The following HPS5 variants were observed in gnomAD, a reference collection of about 807,000 sequenced individuals.
The protein encoded by HPS5 is HPS5 biogenesis of lysosomal organelles complex 2 subunit 2.
Under a neutral mutation model 128.0 loss-of-function variants are expected in HPS5, and 83 were observed. That is an observed-to-expected ratio of 0.65 (90% CI 0.54 to 0.78). The LOEUF is 0.78. HPS5 is among the 30% of genes least tolerant of loss of function. The probability of loss-of-function intolerance (pLI) is 0.00; values close to 1 mark genes in which losing one functional copy is unlikely to be tolerated. For missense variants in HPS5, 1,281 were observed against 1,326.2 expected (o/e 0.97, Z 0.53); for synonymous variants, 475 against 470.2 (o/e 1.01, Z -0.13).
At chr11:18,293,928 A>AC (rs11444360) in intron 14 of HPS5, among the ~76,000 whole-genome samples, 21,147 of 152,138 alleles carry the variant, frequency 0.14, 1,567 homozygotes, top group African/African-American at 0.19. Context: ...AAAAATCTGT[A>AC]TTTTTTCTAT....
rs1158890251 is a variant in HPS5 at position 18,294,995 on chromosome 11, T to C, written c.1784+25A>G. 3.7e-6 allele frequency: 6 copies of C among 1,613,022 alleles called. No homozygotes were observed. The East Asian group carries it at 6.7e-5, about 18-fold the overall frequency. ...TGACAGCTGGATTCCCTAGAATGTA[T>C]AGAGATTTATGTGTAAGGGCTTACT... On this transcript the variant is annotated intron_variant, in intron 14 of 22. Coordinates refer to ENST00000349215, the MANE Select transcript of HPS5 (RefSeq NM_181507.2).
chr11:18,288,876 G>C (rs1415216602), intron 16 of HPS5, among the ~76,000 whole-genome samples: 1 of 151,804 alleles, frequency 6.6e-6, no homozygotes, highest in Non-Finnish European at 1.5e-5. Flanking sequence ...CTGGGTGTGT[G>C]CATGTGTGTG....
intron 8 of HPS5, among the ~76,000 whole-genome samples, chr11:18,301,950 A>G (rs1001742024): frequency 1.3e-5 from 2 of 152,020 alleles, no homozygotes; most frequent in Admixed American, 1.3e-4. Flanking sequence ...TTCCTCCTCC[A>G]CTTATCTTCA....
At chr11:18,306,105 A>ACAATCC (rs1182232355) in intron 7 of HPS5, 30 bp downstream of exon 7, 1 of 1,461,466 alleles carries the variant, frequency 6.8e-7, no homozygotes, top group Non-Finnish European at 9.6e-7. Flanking sequence ...AGCTCTTCAA[A>ACAATCC]CAATCCCAAC....
chr11:18,299,664 G>A (rs1179987279), intron 9 of HPS5, among the ~76,000 whole-genome samples: 1 of 152,202 alleles, frequency 6.6e-6, no homozygotes, highest in African/African-American at 2.4e-5. Context: ...ACATATGATG[G>A]CTGTTGCTCC....
Position 18,291,678 on chromosome 11 carries a change from T to G in HPS5, c.2204A>C (p.Asn735Thr). 6.2e-7 allele frequency: 1 copy of G among 1,614,254 alleles called. No homozygotes were observed. The highest frequency in any genetic ancestry group is 8.5e-7 in the Non-Finnish European group (1 of 1,180,046). Reference protein sequence around the residue: ...SPCAIASGLRNDLAELTTLCL... With the variant: ...SPCAIASGLRTDLAELTTLCL... ...TAATGTTGTCAATTCAGCCAGGTCG[T>G]TCCGAAGACCACTTGCAATGGCGCA... Residue 735 changes from asparagine to threonine, a missense_variant, in exon 16 of 23, where the codon AAC becomes ACC. Coordinates refer to ENST00000349215, the MANE Select transcript of HPS5 (RefSeq NM_181507.2).
At chr11:18,308,633 G>A (rs1862625933) in intron 6 of HPS5, among the ~76,000 whole-genome samples, 1 of 151,998 alleles carries the variant, frequency 6.6e-6, no homozygotes, top group Non-Finnish European at 1.5e-5. Flanking sequence ...TGGGTAACAT[G>A]ACAAAACCCA....
chr11:18,298,720 G>C, intron 10 of HPS5, 72 bp downstream of exon 10: 1 of 1,490,236 alleles, frequency 6.7e-7, no homozygotes, highest in South Asian at 1.1e-5. Context: ...AAGCAACTTT[G>C]TAACACAATC....
intron 1 of HPS5, among the ~76,000 whole-genome samples, chr11:18,319,125 C>T (rs1418397070): frequency 6.6e-6 from 1 of 151,896 alleles, no homozygotes; most frequent in Non-Finnish European, 1.5e-5. Flanking sequence ...CTAAGAAAAT[C>T]TTCCCTCATT....
At chr11:18,290,448 A>T (rs1020458544) in intron 16 of HPS5, among the ~76,000 whole-genome samples, 3 of 152,234 alleles carry the variant, frequency 2.0e-5, no homozygotes, top group African/African-American at 7.2e-5. Flanking sequence ...GACAATGCTG[A>T]AAAGTGTTTA....
At chr11:18,298,501 AAT>A (rs998138453) in intron 10 of HPS5, among the ~76,000 whole-genome samples, 2 of 152,252 alleles carry the variant, frequency 1.3e-5, no homozygotes, top group African/African-American at 4.8e-5. Context: ...TCAAAATAAT[AAT>A]AATAATAATT....
At chr11:18,286,264 G>A (rs1012271410) in intron 19 of HPS5, among the ~76,000 whole-genome samples, 1 of 152,182 alleles carries the variant, frequency 6.6e-6, no homozygotes, top group Non-Finnish European at 1.5e-5. Context: ...AAGACTCCTA[G>A]CCAGGCACAG....
Position 18,303,511 on chromosome 11 carries a change from T to C in HPS5, c.896+1911A>G, listed in dbSNP as rs78854022. Among the ~76,000 whole-genome samples the C allele has an allele frequency of 4.9e-3, 749 of 152,306 alleles. 6 individuals are homozygous for C. Among genetic ancestry groups the C allele is most frequent in the African/African-American group, 0.017 (717 of 41,558 alleles). On this transcript the variant is annotated intron_variant, in intron 8 of 22. Transcript: ENST00000349215. ...TTTTTGTCTACCATGGTAGGGACTA[T>C]AACAGCAGCTTTAAATAGCTACAGC...
chr11:18,308,647 T>C (rs1003735150), intron 6 of HPS5, among the ~76,000 whole-genome samples: 3 of 151,918 alleles, frequency 2.0e-5, no homozygotes, highest in Non-Finnish European at 4.4e-5. Context: ...AAACCCAGTC[T>C]CTAAACAAAA....
At position 18,279,833 on chromosome 11, in the gene HPS5, G is replaced by C; in HGVS notation, c.*49C>G. ...ATGCGTTCAGAAGGTTCAGGAGCATGATTTAGTTTTTCTCAAAATGTCATG... is the reference window on the plus strand; with the variant it reads ...ATGCGTTCAGAAGGTTCAGGAGCATCATTTAGTTTTTCTCAAAATGTCATG... On this transcript the variant is annotated 3_prime_UTR_variant, in exon 23 of 23. Coordinates refer to ENST00000349215, the MANE Select transcript of HPS5 (RefSeq NM_181507.2). 1.3e-6 allele frequency: 2 copies of C among 1,546,648 alleles called. No homozygotes were observed.
intron 5 of HPS5, 97 bp downstream of exon 5, chr11:18,310,644 G>A: frequency 9.6e-7 from 1 of 1,043,678 alleles, no homozygotes; most frequent in Non-Finnish European, 1.4e-6. Context: ...AGTCTCCCAA[G>A]AAATACAGTA....
intron 9 of HPS5, 106 bp downstream of exon 9, chr11:18,300,722 T>C: frequency 4.0e-6 from 2 of 505,250 alleles, no homozygotes; most frequent in Non-Finnish European, 3.6e-6. Flanking sequence ...AAAAAAAAAG[T>C]CATCCCATCC....
At chr11:18,299,089 T>G (rs1324783843) in intron 9 of HPS5, 119 bp from the exon 10 acceptor site, 1 of 879,426 alleles carries the variant, frequency 1.1e-6, no homozygotes, top group African/African-American at 1.7e-5. Context: ...TTGACTGAAT[T>G]TCATCTCTAT....
chr11:18,296,644 G>A (rs1861103297), intron 12 of HPS5, 154 bp downstream of exon 12: 1 of 798,704 alleles, frequency 1.3e-6, no homozygotes, highest in Non-Finnish European at 2.2e-6. Context: ...TTCTAGTAGG[G>A]GGCAGATCTG....
Sources: gnomAD v4.1 joint callset for allele counts (sites outside exome capture counted in the v4.1 genomes callset) on GRCh38, gnomAD v4.1.1 for gene constraint, MANE v1.5 for transcripts, NCBI Gene and HGNC (gene_info 2026-07-23, HGNC 2026-07-21) for gene names.